CMSS1: variants seen among roughly 807,000 people sequenced by gnomAD.
The protein encoded by CMSS1 is protein CMSS1.
In CMSS1, 33 loss-of-function variants were observed where a neutral mutation model predicts 43.5. The ratio of observed to expected loss-of-function variants is 0.76; its 90% CI spans 0.57 to 1.01. The LOEUF (loss-of-function observed/expected upper bound fraction) is 1.01, where lower values mean the gene tolerates loss of function less well. Ranked by LOEUF, CMSS1 falls within the 50% of genes least tolerant of loss-of-function variation. The pLI is 0.00. For synonymous variants in CMSS1, 115 were observed against 117.2 expected (o/e 0.98, Z 0.12); for missense variants, 313 against 326.4 (o/e 0.96, Z 0.32).
chr3:100,021,372 G>A (rs915579237), intron 1 of CMSS1, among the ~76,000 whole-genome samples: 9 of 152,134 alleles, frequency 5.9e-5, no homozygotes, highest in African/African-American at 2.2e-4. Flanking sequence ...TCCAAGTTCA[G>A]CATCTCAGCA....
intron 1 of CMSS1, among the ~76,000 whole-genome samples, chr3:99,871,092 A>C (rs1364757405): frequency 2.0e-5 from 3 of 152,190 alleles, no homozygotes; most frequent in Admixed American, 6.5e-5. Flanking sequence ...TGCCTATATA[A>C]CATACACTGC....
At chr3:99,855,862 T>C (rs771149759) in intron 1 of CMSS1, among the ~76,000 whole-genome samples, 18 of 152,236 alleles carry the variant, frequency 1.2e-4, no homozygotes, top group Non-Finnish European at 2.2e-4. Flanking sequence ...TATTTTAACA[T>C]TTGCCATCTA....
chr3:99,979,731 T>C (rs1326145559), intron 1 of CMSS1, among the ~76,000 whole-genome samples: 1 of 152,248 alleles, frequency 6.6e-6, no homozygotes, highest in Non-Finnish European at 1.5e-5. Flanking sequence ...GGAATAATGA[T>C]AATATTCATG....
chr3:100,095,060 T>C (rs1252978837), intron 1 of CMSS1, among the ~76,000 whole-genome samples: 1 of 152,232 alleles, frequency 6.6e-6, no homozygotes, highest in Admixed American at 6.5e-5. Flanking sequence ...TTGCATGGTC[T>C]GTTCACAGAT....
intron 1 of CMSS1, among the ~76,000 whole-genome samples, chr3:100,119,677 A>G (rs1050488414): frequency 6.6e-6 from 1 of 152,250 alleles, no homozygotes; most frequent in Admixed American, 6.5e-5. Flanking sequence ...CAACTTCAGA[A>G]CAGCATCTCA....
intron 1 of CMSS1, among the ~76,000 whole-genome samples, chr3:100,008,398 T>C (rs966450487): frequency 6.6e-6 from 1 of 152,182 alleles, no homozygotes; most frequent in African/African-American, 2.4e-5. Flanking sequence ...TCCAAGATTT[T>C]CATATGAGTT....
At chr3:100,114,381 C>T (rs1205940721) in intron 1 of CMSS1, 1 of 152,350 alleles carries the variant, frequency 6.6e-6, no homozygotes, top group South Asian at 2.1e-4. Context: ...TTGCCAGTCT[C>T]TGTGGAAGAA....
intron 1 of CMSS1, among the ~76,000 whole-genome samples, chr3:100,077,506 GGATTTAAGGA>G (rs1468519766): frequency 6.6e-6 from 1 of 152,186 alleles, no homozygotes; most frequent in Admixed American, 6.5e-5. Flanking sequence ...AAGATAAGGA[GGATTTAAGGA>G]AATGGAGAGG....
At position 100,036,576 on chromosome 3, in the gene CMSS1, A is replaced by G. The variant is rs150184980; in HGVS notation, c.65-110397A>G. On this transcript the variant is annotated intron_variant, in intron 1 of 9. Transcript: ENST00000421999. Reference sequence around the variant, plus strand: ...AGTTATTCTTTACAGTAGAATGCCTACTAATAAATGTAGAAGAAATATAGA... The same window carrying G: ...AGTTATTCTTTACAGTAGAATGCCTGCTAATAAATGTAGAAGAAATATAGA... Among the ~76,000 whole-genome samples the G allele has an allele frequency of 9.8e-5, 15 of 152,374 alleles. No individual in the cohort carries two copies. The East Asian group carries it at 1.7e-3, about 18-fold the overall frequency.
At chr3:100,065,988 A>G (rs1161449878) in intron 1 of CMSS1, among the ~76,000 whole-genome samples, 2 of 152,194 alleles carry the variant, frequency 1.3e-5, no homozygotes, top group Non-Finnish European at 2.9e-5. Context: ...TGGGAATGCG[A>G]CCCAGCAATA....
chr3:99,967,383 G>T (rs114312381), intron 1 of CMSS1, among the ~76,000 whole-genome samples: 1 of 152,164 alleles, frequency 6.6e-6, no homozygotes, highest in Non-Finnish European at 1.5e-5. Context: ...GAAGCTTCTC[G>T]TGAAGAGTAA....
intron 2 of CMSS1, among the ~76,000 whole-genome samples, chr3:100,158,603 A>G (rs923275394): frequency 6.6e-6 from 1 of 152,250 alleles, no homozygotes; most frequent in Non-Finnish European, 1.5e-5. Context: ...TAAAGTAACT[A>G]GTCTCCAAAA....
chr3:99,937,955 G>A (rs187006290), intron 1 of CMSS1, among the ~76,000 whole-genome samples: 2 of 152,266 alleles, frequency 1.3e-5, no homozygotes, highest in Non-Finnish European at 1.5e-5. Flanking sequence ...AGTTGGTAAA[G>A]GTGAATTAAG....
At chr3:100,112,024 A>C (rs1016340868) in intron 1 of CMSS1, among the ~76,000 whole-genome samples, 2 of 152,170 alleles carry the variant, frequency 1.3e-5, no homozygotes, top group Non-Finnish European at 2.9e-5. Context: ...AATAACCAGC[A>C]CGGGGCCTGG....
chr3:99,996,205 T>C (rs1293885297), intron 1 of CMSS1, among the ~76,000 whole-genome samples: 1 of 152,088 alleles, frequency 6.6e-6, no homozygotes, highest in Admixed American at 6.6e-5. Flanking sequence ...CCCTAAATCA[T>C]CTCTCTCAAG....
intron 1 of CMSS1, among the ~76,000 whole-genome samples, chr3:100,125,840 A>G (rs2107495557): frequency 6.6e-6 from 1 of 152,342 alleles, no homozygotes; most frequent in Admixed American, 6.5e-5. Flanking sequence ...AGGAAGGTAT[A>G]AACTAGCCAG....
intron 1 of CMSS1, among the ~76,000 whole-genome samples, chr3:99,986,265 A>G (rs1709339267): frequency 6.6e-6 from 1 of 152,180 alleles, no homozygotes; most frequent in South Asian, 2.1e-4. Flanking sequence ...ATTGAATGGG[A>G]TATGTCCCAG....
intron 1 of CMSS1, among the ~76,000 whole-genome samples, chr3:99,957,742 A>G (rs1576600437): frequency 1.6e-5 from 1 of 60,876 alleles, no homozygotes; most frequent in East Asian, 4.3e-4. Flanking sequence ...TTTGTTTGGA[A>G]CTTGTTTAAT....
chr3:100,066,132 T>G (rs907030486), intron 1 of CMSS1, among the ~76,000 whole-genome samples: 1 of 152,250 alleles, frequency 6.6e-6, no homozygotes, highest in Non-Finnish European at 1.5e-5. Context: ...CTTGCCCACC[T>G]GTCAGTGTCT....
Sources: allele counts gnomAD v4.1 joint callset (sites outside exome capture counted in the v4.1 genomes callset), GRCh38; gene constraint gnomAD v4.1.1; transcripts MANE v1.5; gene names NCBI Gene and HGNC (gene_info 2026-07-23, HGNC 2026-07-21).